Variants in NDST4 observed in about 807,000 individuals in gnomAD.
NDST4 encodes N-heparan sulfate sulfotransferase 4.
A neutral mutation model predicts 100.8 loss-of-function variants in NDST4; 63 were observed. The observed-to-expected ratio is 0.62, with a 90% CI of 0.51 to 0.77. The LOEUF is 0.77. Ranked by LOEUF, NDST4 falls within the 30% of genes least tolerant of loss-of-function variation. The pLI is 0.00. For missense variants in NDST4, 943 were observed against 1,018.4 expected, an observed-to-expected ratio of 0.93 and a Z score of 1.01; for synonymous variants, 377 against 361.8, an observed-to-expected ratio of 1.04 and a Z score of -0.48.
intron 1 of NDST4, among the ~76,000 whole-genome samples, chr4:115,084,201 G>C (rs532072442): frequency 2.0e-5 from 3 of 152,320 alleles, no homozygotes; most frequent in African/African-American, 7.2e-5. Context: ...GGGGATTCTT[G>C]CTATGCTTTA....
chr4:114,869,410 G>A (rs1724100268), intron 7 of NDST4, among the ~76,000 whole-genome samples: 1 of 151,878 alleles, frequency 6.6e-6, no homozygotes, highest in Admixed American at 6.6e-5. Context: ...ATAAACATTT[G>A]TGACAAAAGA....
At chr4:114,900,373 T>C (rs1724810043) in intron 6 of NDST4, among the ~76,000 whole-genome samples, 1 of 152,120 alleles carries the variant, frequency 6.6e-6, no homozygotes, top group African/African-American at 2.4e-5. Context: ...ACTTTAAATT[T>C]TCTAGTTTTT....
chr4:114,855,382 T>A (rs1257886394), intron 7 of NDST4, among the ~76,000 whole-genome samples: 1 of 152,176 alleles, frequency 6.6e-6, no homozygotes, highest in Non-Finnish European at 1.5e-5. Flanking sequence ...CTCCAATGTT[T>A]TATTTTAGTA....
At chr4:114,855,293 T>G (rs1723768781) in intron 7 of NDST4, among the ~76,000 whole-genome samples, 1 of 152,010 alleles carries the variant, frequency 6.6e-6, no homozygotes, top group Admixed American at 6.6e-5. Flanking sequence ...TGATCCCATT[T>G]GCCCATTTTT....
chr4:114,869,637 G>A (rs566609971), intron 7 of NDST4, among the ~76,000 whole-genome samples: 4 of 152,096 alleles, frequency 2.6e-5, no homozygotes, highest in Non-Finnish European at 5.9e-5. Context: ...TAAATAGAAT[G>A]TAGTTCAGTG....
chr4:114,885,241 C>T (rs1724453760), intron 6 of NDST4, among the ~76,000 whole-genome samples: 1 of 152,138 alleles, frequency 6.6e-6, no homozygotes, highest in Non-Finnish European at 1.5e-5. Flanking sequence ...ACATCTCCAT[C>T]CTTGGTTATC....
intron 6 of NDST4, among the ~76,000 whole-genome samples, chr4:114,886,543 G>T (rs1048843483): frequency 6.6e-6 from 1 of 151,974 alleles, no homozygotes; most frequent in African/African-American, 2.4e-5. Context: ...TAGCAATCAC[G>T]TTTTAAAGCT....
At chr4:115,036,827 T>C (rs771190338) in intron 2 of NDST4, among the ~76,000 whole-genome samples, 10 of 152,008 alleles carry the variant, frequency 6.6e-5, no homozygotes, top group Non-Finnish European at 1.5e-4. Context: ...AAGCATTACA[T>C]TGATATTAAA....
At chr4:114,893,219 C>T (rs1046971842) in intron 6 of NDST4, among the ~76,000 whole-genome samples, 1 of 152,180 alleles carries the variant, frequency 6.6e-6, no homozygotes, top group Non-Finnish European at 1.5e-5. Flanking sequence ...GTGCATGTGT[C>T]CTTATGATAG....
intron 6 of NDST4, among the ~76,000 whole-genome samples, chr4:114,925,731 C>T (rs750168547): frequency 4.6e-5 from 7 of 152,140 alleles, no homozygotes; most frequent in Non-Finnish European, 8.8e-5. Context: ...AGGCACTGCT[C>T]TGAACTTTGG....
chr4:115,039,043 A>G (rs1340092076), intron 2 of NDST4, among the ~76,000 whole-genome samples: 3 of 152,152 alleles, frequency 2.0e-5, no homozygotes, highest in Non-Finnish European at 4.4e-5. Flanking sequence ...TCTTATAAAC[A>G]TAAACAGCAA....
At chr4:114,847,375 C>CAAAAAAAAAAAAAAAAAAA (rs57987259) in intron 9 of NDST4, among the ~76,000 whole-genome samples, 1 of 18,244 alleles carries the variant, frequency 5.5e-5, no homozygotes, top group Non-Finnish European at 8.8e-5. Flanking sequence ...GACTCCGTCT[C>CAAAAAAAAAAAAAAAAAAA]AAAAAAAAAA....
chr4:115,077,223 T>TCTG lies in NDST4; in HGVS notation c.-188_-187insCAG. ...AGGCAATAGATGGGAAGGATATACG[T>TCTG]TGAGGAGATTTTGAATATGTCCAAT... On this transcript the variant is annotated 5_prime_UTR_variant, in exon 2 of 14. Transcript: ENST00000264363. 1.8e-6 allele frequency: 1 copy of TCTG among 545,436 alleles called. No homozygotes were observed. Among genetic ancestry groups the TCTG allele is most frequent in the South Asian group, 2.3e-5 (1 of 42,956 alleles). The allele number at this position is 545,436 out of a possible 1,614,324, so 33.8% of individuals were successfully genotyped here.
intron 11 of NDST4, among the ~76,000 whole-genome samples, chr4:114,834,502 A>G (rs922056913): frequency 7.3e-6 from 1 of 137,326 alleles, no homozygotes; most frequent in African/African-American, 2.9e-5. Flanking sequence ...TGATGGAGCG[A>G]GACTCCATCT....
At chr4:114,963,436 A>G (rs1328008646) in intron 4 of NDST4, among the ~76,000 whole-genome samples, 1 of 152,192 alleles carries the variant, frequency 6.6e-6, no homozygotes, top group Non-Finnish European at 1.5e-5. Context: ...GGGAGTGGGG[A>G]GAAATGGAAA....
intron 4 of NDST4, among the ~76,000 whole-genome samples, chr4:114,942,285 G>A (rs1207438284): frequency 6.6e-6 from 1 of 152,136 alleles, no homozygotes; most frequent in Non-Finnish European, 1.5e-5. Flanking sequence ...GTATAAGATA[G>A]GGCTTCTACC....
chr4:114,871,984 A>G (rs1360805257), intron 6 of NDST4, among the ~76,000 whole-genome samples: 1 of 152,052 alleles, frequency 6.6e-6, no homozygotes, highest in Non-Finnish European at 1.5e-5. Context: ...GAAGAATAAT[A>G]TAGAAGAAAA....
At chr4:114,838,997 G>T (rs762951348) in intron 11 of NDST4, among the ~76,000 whole-genome samples, 2 of 152,090 alleles carry the variant, frequency 1.3e-5, no homozygotes, top group African/African-American at 4.8e-5. Context: ...GTGGTGTTTC[G>T]TAAAGTTGTT....
chr4:114,970,179 T>C (rs1429483126), intron 4 of NDST4, among the ~76,000 whole-genome samples: 5 of 147,924 alleles, frequency 3.4e-5, no homozygotes, highest in Non-Finnish European at 7.4e-5. Context: ...AAAATAGGAG[T>C]TGAAAGCTTT....
Sources: allele counts gnomAD v4.1 joint callset (sites outside exome capture counted in the v4.1 genomes callset), GRCh38; gene constraint gnomAD v4.1.1; transcripts MANE v1.5; gene names NCBI Gene and HGNC (gene_info 2026-07-23, HGNC 2026-07-21).